Variants in RSRC1 observed in about 807,000 individuals in gnomAD.
RSRC1 encodes serine/Arginine-related protein 53.
In RSRC1, 39 loss-of-function variants were observed where a neutral mutation model predicts 49.1. That is an observed-to-expected ratio of 0.79 (90% CI 0.61 to 1.04). RSRC1 has a LOEUF of 1.04. Among genes scored for constraint, RSRC1 ranks in the 50% least tolerant of loss-of-function variants. The pLI is 0.00. For missense variants in RSRC1, 388 were observed against 402.4 expected (o/e 0.96, Z 0.31); for synonymous variants, 143 against 130.8 (o/e 1.09, Z -0.63).
At chr3:158,147,923 T>G (rs562812614) in intron 3 of RSRC1, among the ~76,000 whole-genome samples, 1 of 152,346 alleles carries the variant, frequency 6.6e-6, no homozygotes, top group South Asian at 2.1e-4. Context: ...CAGACTAATA[T>G]TTTTAAAAAT....
At chr3:158,293,972 A>G (rs944719644) in intron 4 of RSRC1, among the ~76,000 whole-genome samples, 1 of 152,044 alleles carries the variant, frequency 6.6e-6, no homozygotes, top group African/African-American at 2.4e-5. Flanking sequence ...AATCCATTAT[A>G]GTCTTAAATG....
intron 4 of RSRC1, among the ~76,000 whole-genome samples, chr3:158,215,811 G>C (rs528709979): frequency 6.6e-6 from 1 of 151,760 alleles, no homozygotes; most frequent in African/African-American, 2.4e-5. Context: ...AAAGTTTATA[G>C]TTTTTGCTTT....
At chr3:158,275,894 C>A in intron 4 of RSRC1, 2 of 671,924 alleles carry the variant, frequency 3.0e-6, no homozygotes, top group South Asian at 3.0e-5. Flanking sequence ...GAACTTATGG[C>A]CCTTTCAAAG....
chr3:158,391,390 T>C (rs1278495557), intron 6 of RSRC1, among the ~76,000 whole-genome samples: 1 of 152,146 alleles, frequency 6.6e-6, no homozygotes, highest in Non-Finnish European at 1.5e-5. Flanking sequence ...GAGAGCATTC[T>C]CCATATGAGG....
rs1432423335 is a variant in RSRC1 at position 158,203,254 on chromosome 3, G to A, written c.494+9G>A. 1.9e-6 allele frequency: 3 copies of A among 1,565,964 alleles called. No individual in the cohort carries two copies. Among genetic ancestry groups the A allele is most frequent in the African/African-American group, 1.4e-5 (1 of 73,922 alleles). On this transcript the variant is annotated intron_variant, in intron 4 of 9. Coordinates refer to ENST00000611884, the MANE Select transcript of RSRC1 (RefSeq NM_001271838.2). ...CATAACATCAAACGTGGGTAAGTTG[G>A]AGCAAATCTTATCTGGTAAGGACTT...
chr3:158,274,370 CT>C (rs71144453), intron 4 of RSRC1, among the ~76,000 whole-genome samples: 81 of 147,386 alleles, frequency 5.5e-4, no homozygotes, highest in African/African-American at 1.2e-3. Flanking sequence ...CAAGGTTAGT[CT>C]TTTTTTTTTT....
intron 6 of RSRC1, among the ~76,000 whole-genome samples, chr3:158,389,119 G>A (rs564175594): frequency 1.3e-5 from 2 of 152,280 alleles, no homozygotes; most frequent in East Asian, 3.9e-4. Flanking sequence ...GCCATCAAAG[G>A]ATGATGTTGC....
intron 4 of RSRC1, among the ~76,000 whole-genome samples, chr3:158,206,093 G>C (rs1721331184): frequency 6.6e-6 from 1 of 152,198 alleles, no homozygotes; most frequent in Non-Finnish European, 1.5e-5. Flanking sequence ...TTTGGCTCAA[G>C]AGTTGTTATT....
At chr3:158,350,567 C>A (rs1225103990) in intron 5 of RSRC1, among the ~76,000 whole-genome samples, 1 of 152,194 alleles carries the variant, frequency 6.6e-6, no homozygotes, top group Non-Finnish European at 1.5e-5. Context: ...TCTTGGCCTG[C>A]AGATGGCTGT....
intron 7 of RSRC1, among the ~76,000 whole-genome samples, chr3:158,492,122 C>T (rs117078823): frequency 8.5e-5 from 13 of 152,142 alleles, no homozygotes; most frequent in South Asian, 2.1e-4. Context: ...AGAGAGTGGG[C>T]GAGCAAGGGG....
intron 3 of RSRC1, among the ~76,000 whole-genome samples, chr3:158,146,779 A>G (rs539693446): frequency 2.6e-5 from 4 of 152,192 alleles, no homozygotes; most frequent in African/African-American, 9.6e-5. Flanking sequence ...TTGGTTGGTA[A>G]GCTATTAATT....
At chr3:158,356,543 TTA>T (rs1731170373) in intron 6 of RSRC1, among the ~76,000 whole-genome samples, 1 of 147,084 alleles carries the variant, frequency 6.8e-6, no homozygotes, top group Admixed American at 6.6e-5. Flanking sequence ...GTTTATGTTT[TTA>T]TCTTATTTAT....
chr3:158,509,853 G>A (rs1054405861), intron 7 of RSRC1, among the ~76,000 whole-genome samples: 2 of 152,030 alleles, frequency 1.3e-5, no homozygotes, highest in Non-Finnish European at 2.9e-5. Flanking sequence ...TGCACGTTTG[G>A]TTATTTCAGA....
chr3:158,299,825 C>G (rs796292455), intron 5 of RSRC1, among the ~76,000 whole-genome samples: 3 of 152,072 alleles, frequency 2.0e-5, no homozygotes, highest in African/African-American at 7.2e-5. Context: ...ATAATTTTAT[C>G]CAGCAGTGGT....
At chr3:158,420,327 A>G (rs533893251) in intron 6 of RSRC1, among the ~76,000 whole-genome samples, 1 of 152,114 alleles carries the variant, frequency 6.6e-6, no homozygotes, top group East Asian at 1.9e-4. Context: ...AAGCTCATGA[A>G]AAGATTTACA....
intron 4 of RSRC1, among the ~76,000 whole-genome samples, chr3:158,281,735 A>C (rs1393596564): frequency 1.3e-5 from 2 of 152,230 alleles, no homozygotes; most frequent in Non-Finnish European, 1.5e-5. Context: ...TATAAAGAGA[A>C]AGATGATAAA....
chr3:158,157,015 C>T (rs1013978233), intron 3 of RSRC1, among the ~76,000 whole-genome samples: 3 of 152,026 alleles, frequency 2.0e-5, no homozygotes, highest in Admixed American at 6.6e-5. Flanking sequence ...CTGCAAAGGG[C>T]AATAAAGCAG....
At chr3:158,210,842 C>T (rs1298594253) in intron 4 of RSRC1, among the ~76,000 whole-genome samples, 1 of 152,040 alleles carries the variant, frequency 6.6e-6, no homozygotes, top group African/African-American at 2.4e-5. Context: ...TTCTTTTATA[C>T]ATTATATCAG....
chr3:158,427,163 A>G (rs1014988264), intron 6 of RSRC1, among the ~76,000 whole-genome samples: 2 of 151,542 alleles, frequency 1.3e-5, no homozygotes, highest in East Asian at 1.9e-4. Flanking sequence ...AGCTGGAATC[A>G]TAGAAATAAT....
Sources: gnomAD v4.1 joint callset for allele counts (sites outside exome capture counted in the v4.1 genomes callset) on GRCh38, gnomAD v4.1.1 for gene constraint, MANE v1.5 for transcripts, NCBI Gene and HGNC (gene_info 2026-07-23, HGNC 2026-07-21) for gene names.